CDIN1: variants seen among roughly 807,000 people sequenced by gnomAD.
CDIN1 encodes CDAN1-interacting nuclease 1.
CDIN1 carries 33 observed loss-of-function variants against 45.3 expected under a neutral mutation model. That is an observed-to-expected ratio of 0.73 (90% CI 0.55 to 0.97). The LOEUF (loss-of-function observed/expected upper bound fraction) is 0.97, where lower values mean the gene tolerates loss of function less well. Among genes scored for constraint, CDIN1 ranks in the 50% least tolerant of loss-of-function variants. CDIN1 has a pLI of 0.00. For synonymous variants in CDIN1, 118 were observed against 124.4 expected (o/e 0.95, Z 0.34); for missense variants, 303 against 339.4 (o/e 0.89, Z 0.84).
chr15:36,590,397 T>C (rs1777920836), intron 1 of CDIN1, among the ~76,000 whole-genome samples: 1 of 152,210 alleles, frequency 6.6e-6, no homozygotes, highest in South Asian at 2.1e-4. Context: ...AATAAATATT[T>C]TGAAACAAAG....
chr15:36,644,004 A>G (rs898823961), intron 1 of CDIN1, among the ~76,000 whole-genome samples: 5 of 152,324 alleles, frequency 3.3e-5, no homozygotes, highest in East Asian at 1.9e-4. Context: ...TTCTACAAAT[A>G]TGATTTACAA....
chr15:36,605,427 A>G (rs2038315898), intron 1 of CDIN1, among the ~76,000 whole-genome samples: 2 of 152,102 alleles, frequency 1.3e-5, no homozygotes, highest in Non-Finnish European at 1.5e-5. Context: ...ATTATGAAAA[A>G]GTTAGTTCTG....
intron 5 of CDIN1, among the ~76,000 whole-genome samples, chr15:36,660,026 T>C (rs2040945674): frequency 1.5e-5 from 2 of 135,574 alleles, no homozygotes; most frequent in South Asian, 5.2e-4. Flanking sequence ...TTCTGACACT[T>C]TCTTCCCCTT....
intron 5 of CDIN1, among the ~76,000 whole-genome samples, chr15:36,688,495 C>T (rs1418776786): frequency 6.6e-6 from 1 of 152,134 alleles, no homozygotes; most frequent in Non-Finnish European, 1.5e-5. Flanking sequence ...CTCATACATT[C>T]CTGCTTTATA....
chr15:36,781,184 T>G (rs1448225098), intron 10 of CDIN1, among the ~76,000 whole-genome samples: 1 of 152,224 alleles, frequency 6.6e-6, no homozygotes, highest in Admixed American at 6.5e-5. Context: ...TGGGCTTACA[T>G]GTAAGTTACA....
chr15:36,771,025 C>T (rs926060086), intron 10 of CDIN1, among the ~76,000 whole-genome samples: 1 of 152,160 alleles, frequency 6.6e-6, no homozygotes, highest in Non-Finnish European at 1.5e-5. Flanking sequence ...GTGCTTAAGA[C>T]TGCTGGATAG....
intron 8 of CDIN1, chr15:36,708,378 C>T (rs1014273135): frequency 2.6e-5 from 4 of 151,604 alleles, no homozygotes; most frequent in African/African-American, 4.8e-5. Context: ...ACTCCAAAAT[C>T]TAATGGAGAA....
intron 3 of CDIN1, 27 bp from the exon 4 acceptor site, chr15:36,654,071 A>T: frequency 2.6e-6 from 4 of 1,554,142 alleles, no homozygotes; most frequent in Non-Finnish European, 3.5e-6. Flanking sequence ...TTGTCACTGC[A>T]TTACCACTTG....
At chr15:36,603,805 T>C (rs1003754355) in intron 1 of CDIN1, among the ~76,000 whole-genome samples, 21 of 152,196 alleles carry the variant, frequency 1.4e-4, no homozygotes, top group Non-Finnish European at 2.9e-5. Context: ...AGAGTTATTG[T>C]CCATTTATTT....
At chr15:36,618,071 C>G (rs1001690219) in intron 1 of CDIN1, 11 of 749,164 alleles carry the variant, frequency 1.5e-5, no homozygotes, top group African/African-American at 3.4e-5. Context: ...GTCTTGGTCT[C>G]CAAATCCTAC....
intron 10 of CDIN1, among the ~76,000 whole-genome samples, chr15:36,735,629 T>C (rs2043991059): frequency 6.6e-6 from 1 of 152,166 alleles, no homozygotes; most frequent in Non-Finnish European, 1.5e-5. Flanking sequence ...ACTTTTAAAA[T>C]TTAAAGTTGA....
At chr15:36,678,456 G>T (rs1566891723) in intron 5 of CDIN1, among the ~76,000 whole-genome samples, 1 of 152,224 alleles carries the variant, frequency 6.6e-6, no homozygotes, top group Non-Finnish European at 1.5e-5. Context: ...AAGAGGCAAA[G>T]CTCCTGGTGT....
At chr15:36,686,311 C>A (rs1200638126) in intron 5 of CDIN1, among the ~76,000 whole-genome samples, 3 of 147,758 alleles carry the variant, frequency 2.0e-5, no homozygotes, top group South Asian at 4.3e-4. Context: ...ATCGCAAGAA[C>A]AAAAAAACAA....
At chr15:36,614,681 A>T (rs983419783) in intron 1 of CDIN1, among the ~76,000 whole-genome samples, 4 of 152,228 alleles carry the variant, frequency 2.6e-5, no homozygotes, top group Admixed American at 6.5e-5. Flanking sequence ...GCCCAGGGAA[A>T]GACTGTACTA....
rs182240339 is a variant in CDIN1, at chr15:36,728,409, C to T, written c.716+18448C>T. Among the ~76,000 whole-genome samples the T allele has an allele frequency of 1.3e-3, 202 of 152,244 alleles. 2 individuals carry two copies. The highest frequency in any genetic ancestry group is 1.4e-3 in the Non-Finnish European group (93 of 68,022). ...GGTCTGACGGGTTACCAATCCTCTG[C>T]ATCTTGAAAGGCACTCAAATGAGCA... On this transcript the variant is annotated intron_variant, in intron 10 of 10. Coordinates refer to ENST00000566621, the MANE Select transcript of CDIN1 (RefSeq NM_001321759.2).
intron 5 of CDIN1, among the ~76,000 whole-genome samples, chr15:36,660,534 T>G (rs1013521354): frequency 6.6e-6 from 1 of 152,162 alleles, no homozygotes; most frequent in Non-Finnish European, 1.5e-5. Flanking sequence ...AACATATACT[T>G]TAGGAATATC....
At chr15:36,687,325 CAT>C (rs2042095883) in intron 5 of CDIN1, among the ~76,000 whole-genome samples, 2 of 151,958 alleles carry the variant, frequency 1.3e-5, no homozygotes, top group Non-Finnish European at 2.9e-5. Flanking sequence ...ACTCGTAAGA[CAT>C]AATGACACAA....
At chr15:36,612,180 G>C (rs534845927) in intron 1 of CDIN1, among the ~76,000 whole-genome samples, 5 of 152,148 alleles carry the variant, frequency 3.3e-5, no homozygotes, top group Non-Finnish European at 7.4e-5. Flanking sequence ...CAGAGTAAGC[G>C]TAAGTTTCAT....
At chr15:36,728,795 T>A (rs987444265) in intron 10 of CDIN1, among the ~76,000 whole-genome samples, 9 of 152,064 alleles carry the variant, frequency 5.9e-5, no homozygotes, top group African/African-American at 1.9e-4. Context: ...TGCCTCAGCC[T>A]CCCGAGTAGC....
Sources: allele counts gnomAD v4.1 joint callset (sites outside exome capture counted in the v4.1 genomes callset), GRCh38; gene constraint gnomAD v4.1.1; transcripts MANE v1.5; gene names NCBI Gene and HGNC (gene_info 2026-07-23, HGNC 2026-07-21).